The following NXPE2 variants were observed in gnomAD, a reference collection of about 807,000 sequenced individuals.
The protein encoded by NXPE2 is neurexophilin and PC-esterase domain family member 2.
NXPE2 carries 34 observed loss-of-function variants against 34.4 expected under a neutral mutation model. That is an observed-to-expected ratio of 0.99 (90% CI 0.75 to 1.31). NXPE2 has a LOEUF of 1.31. Ranked by LOEUF, NXPE2 falls within the 40% of genes most tolerant of loss-of-function variation. The pLI is 0.00. For missense variants in NXPE2, 649 were observed against 672.5 expected (o/e 0.97, Z 0.39); for synonymous variants, 235 against 231.3 (o/e 1.02, Z -0.15).
the NXPE2 span, among the ~76,000 whole-genome samples, chr11:114,737,927 TAAA>T: frequency 6.7e-6 from 1 of 149,748 alleles, no homozygotes. Flanking sequence ...TACTAAAAAA[TAAA>T]AAAAAAATTT....
the NXPE2 span, among the ~76,000 whole-genome samples, chr11:114,791,124 T>C: frequency 1.3e-5 from 2 of 151,684 alleles, no homozygotes; most frequent in African/African-American, 4.9e-5. Flanking sequence ...GTCAAATTAC[T>C]GCTTCAGTCA....
At chr11:114,800,561 T>C in the NXPE2 span, among the ~76,000 whole-genome samples, 10 of 152,358 alleles carry the variant, frequency 6.6e-5, no homozygotes, top group East Asian at 9.6e-4. Flanking sequence ...GCAAACCTCG[T>C]ACCTAGTAAG....
the NXPE2 span, among the ~76,000 whole-genome samples, chr11:114,539,514 G>A: frequency 2.6e-5 from 4 of 152,002 alleles, no homozygotes; most frequent in African/African-American, 4.8e-5. Flanking sequence ...ATTTTTTAAA[G>A]GTCTGAATGA....
At chr11:114,527,620 T>C in the NXPE2 span, among the ~76,000 whole-genome samples, 1 of 152,220 alleles carries the variant, frequency 6.6e-6, no homozygotes, top group South Asian at 2.1e-4. Context: ...AACACGAATG[T>C]AGATACTAAT....
At chr11:114,564,479 C>T in the NXPE2 span, among the ~76,000 whole-genome samples, 1 of 152,090 alleles carries the variant, frequency 6.6e-6, no homozygotes, top group African/African-American at 2.4e-5. Flanking sequence ...ATTCCCTGCC[C>T]TCATGAAATG....
chr11:114,684,479 G>A (rs1951007790), intron 2 of NXPE2, among the ~76,000 whole-genome samples: 2 of 152,082 alleles, frequency 1.3e-5, no homozygotes, highest in East Asian at 1.9e-4. Context: ...AATACAAATG[G>A]CAGCTGAAGT....
the NXPE2 span, among the ~76,000 whole-genome samples, chr11:114,652,334 G>C: frequency 0.092 from 14,058 of 152,254 alleles, 778 homozygotes; most frequent in African/African-American, 0.15. Flanking sequence ...AGGCTTCAGA[G>C]CACCAGAGCC....
At chr11:114,581,904 C>T in the NXPE2 span, 1 of 703,794 alleles carries the variant, frequency 1.4e-6, no homozygotes, top group South Asian at 1.8e-5. Context: ...ATTATGCCTA[C>T]AGTTTCAGGC....
At chr11:114,682,819 T>C (rs1238311491) in intron 2 of NXPE2, among the ~76,000 whole-genome samples, 2 of 149,914 alleles carry the variant, frequency 1.3e-5, no homozygotes, top group East Asian at 2.0e-4. Flanking sequence ...ATTGCTAGCA[T>C]AAGGCCACAA....
the NXPE2 span, among the ~76,000 whole-genome samples, chr11:114,790,245 C>A: frequency 3.6e-4 from 55 of 152,344 alleles, no homozygotes; most frequent in Non-Finnish European, 7.5e-4. Context: ...GGTCAATAGA[C>A]ACATTCTCTT....
chr11:114,582,077 T>A, the NXPE2 span, among the ~76,000 whole-genome samples: 4 of 151,718 alleles, frequency 2.6e-5, no homozygotes, highest in Non-Finnish European at 2.9e-5. Context: ...CTGTATATAT[T>A]TTTTTCCCAT....
At chr11:114,671,921 T>C in the NXPE2 span, among the ~76,000 whole-genome samples, 1 of 152,096 alleles carries the variant, frequency 6.6e-6, no homozygotes, top group South Asian at 2.1e-4. Context: ...AATTTATAAG[T>C]AAAAGAGGTT....
At chr11:114,760,144 A>T in the NXPE2 span, among the ~76,000 whole-genome samples, 1 of 152,152 alleles carries the variant, frequency 6.6e-6, no homozygotes, top group Non-Finnish European at 1.5e-5. Flanking sequence ...CTAATCGTCA[A>T]TGTGATGGTG....
the NXPE2 span, among the ~76,000 whole-genome samples, chr11:114,487,663 T>C: frequency 9.9e-5 from 15 of 152,244 alleles, no homozygotes; most frequent in South Asian, 2.1e-3. Flanking sequence ...TGTGGCACAT[T>C]ACTTTTATTG....
At chr11:114,582,191 C>T in the NXPE2 span, 18 of 1,348,120 alleles carry the variant, frequency 1.3e-5, no homozygotes, top group South Asian at 2.4e-4. Context: ...ACTAAAGACA[C>T]CCAAAATTAA....
the NXPE2 span, among the ~76,000 whole-genome samples, chr11:114,747,407 T>C: frequency 6.6e-6 from 1 of 152,318 alleles, no homozygotes; most frequent in African/African-American, 2.4e-5. Flanking sequence ...AAGTGATACA[T>C]GTCACTTGAT....
the NXPE2 span, among the ~76,000 whole-genome samples, chr11:114,644,791 A>G: frequency 6.6e-6 from 1 of 152,020 alleles, no homozygotes; most frequent in Non-Finnish European, 1.5e-5. Flanking sequence ...GCAGAGGATG[A>G]AAATAATGGA....
the NXPE2 span, among the ~76,000 whole-genome samples, chr11:114,659,141 G>A: frequency 2.6e-5 from 4 of 152,204 alleles, no homozygotes; most frequent in Non-Finnish European, 4.4e-5. Flanking sequence ...CTCAGGAGAA[G>A]ATGTGTACCC....
chr11:114,787,869 A>T, the NXPE2 span, among the ~76,000 whole-genome samples: 2 of 152,026 alleles, frequency 1.3e-5, no homozygotes, highest in Non-Finnish European at 2.9e-5. Flanking sequence ...AATATTGTTC[A>T]TTGGTTGCCT....
Sources: gnomAD v4.1 joint callset for allele counts (sites outside exome capture counted in the v4.1 genomes callset) on GRCh38, gnomAD v4.1.1 for gene constraint, MANE v1.5 for transcripts, NCBI Gene and HGNC (gene_info 2026-07-23, HGNC 2026-07-21) for gene names.